TTC3: variants seen among roughly 807,000 people sequenced by gnomAD.
TTC3 encodes the protein E3 ubiquitin-protein ligase TTC3.
Under a neutral mutation model 249.6 loss-of-function variants are expected in TTC3, and 180 were observed. The ratio of observed to expected loss-of-function variants is 0.72; its 90% CI spans 0.64 to 0.82. The LOEUF (loss-of-function observed/expected upper bound fraction) is 0.82, where lower values mean the gene tolerates loss of function less well. TTC3 is among the 40% of genes least tolerant of loss of function. The pLI is 0.00. For synonymous variants in TTC3, 717 were observed against 805.0 expected, an observed-to-expected ratio of 0.89 and a Z score of 1.85; for missense variants, 2,061 against 2,398.4, an observed-to-expected ratio of 0.86 and a Z score of 2.94.
intron 11 of TTC3, among the ~76,000 whole-genome samples, chr21:37,109,205 A>T (rs8127182): frequency 0.45 from 68,958 of 152,008 alleles, 16,203 homozygotes; most frequent in Non-Finnish European, 0.52. Context: ...GGAGTGCTGG[A>T]CAGTGGGTGC....
intron 1 of TTC3, chr21:37,083,563 A>T (rs979644802): frequency 3.5e-5 from 10 of 287,514 alleles, no homozygotes; most frequent in African/African-American, 2.3e-4. Flanking sequence ...TTAGTGGTCC[A>T]TTGGACAGAA....
chr21:37,128,601 G>T (rs571173838), intron 15 of TTC3, among the ~76,000 whole-genome samples: 1 of 152,260 alleles, frequency 6.6e-6, no homozygotes, highest in Admixed American at 6.5e-5. Flanking sequence ...TTTGTGAGTT[G>T]TGAGAGATAT....
intron 1 of TTC3, among the ~76,000 whole-genome samples, chr21:37,074,551 T>C (rs1291130218): frequency 6.6e-6 from 1 of 152,192 alleles, no homozygotes; most frequent in Non-Finnish European, 1.5e-5. Flanking sequence ...TAAATCTCTT[T>C]CCATTTTGCC....
At chr21:37,159,142 C>T (rs2080428782) in intron 28 of TTC3, among the ~76,000 whole-genome samples, 1 of 152,202 alleles carries the variant, frequency 6.6e-6, no homozygotes, top group South Asian at 2.1e-4. Context: ...TGTGCCCAAA[C>T]CTGCCTTGTG....
chr21:37,133,015 C>G (rs138527378), intron 17 of TTC3, among the ~76,000 whole-genome samples: 26 of 152,222 alleles, frequency 1.7e-4, no homozygotes, highest in African/African-American at 5.5e-4. Flanking sequence ...ATAGACATAT[C>G]ATTTAATATA....
rs762414093 is a variant in TTC3 at position 37,195,991 on chromosome 21, A to G, written c.5534A>G (p.Asn1845Ser). The change falls in exon 42 of 46, where the codon AAT becomes AGT. Residue 1845 changes from asparagine to serine, a missense_variant. Physicochemically the swap from Asn to Ser is conservative, Grantham distance 46. Transcript: ENST00000355666. ...AGCCAGTCTCCAAAAAAGCCGTTCA[A>G]TAGTATTATTGAGCACCTGTCAGTG... 8.0e-5 allele frequency: 129 copies of G among 1,614,212 alleles called. No homozygotes were observed. The highest frequency in any genetic ancestry group is 3.3e-4 in the East Asian group (15 of 44,884).
At chr21:37,094,860 A>G (rs901602630) in intron 8 of TTC3, among the ~76,000 whole-genome samples, 3 of 152,192 alleles carry the variant, frequency 2.0e-5, no homozygotes, top group African/African-American at 7.2e-5. Flanking sequence ...GAGGCTGCAC[A>G]TGATGGCTCA....
exon 22 of TTC3, chr21:37,147,543 C>T: frequency 6.2e-7 from 1 of 1,610,760 alleles, no homozygotes. Context: ...CCATTTGTTG[C>T]TATCAGAAGT....
At chr21:37,093,399 A>AAG (rs1383432695) in intron 7 of TTC3, 1 of 149,074 alleles carries the variant, frequency 6.7e-6, no homozygotes, top group Non-Finnish European at 1.5e-5. Context: ...AAAAAAAAAA[A>AAG]AAAGGAAATG....
At position 37,131,637 on chromosome 21, in the gene TTC3, G is replaced by A. The variant is rs572951533; in HGVS notation, c.1359-1045G>A. On this transcript the variant is annotated intron_variant, in intron 16 of 45. Coordinates refer to ENST00000355666, the Ensembl canonical transcript of TTC3. ...CCCTCTTGTAGTCAGCAGGGCAGGA[G>A]TGTGGGTGACCTGTGCACCCCACTT... Among the ~76,000 whole-genome samples the A allele has an allele frequency of 6.6e-5, 10 of 152,300 alleles. No homozygotes were observed. The East Asian group carries it at 1.9e-3, about 29-fold the overall frequency.
intron 14 of TTC3, 76 bp downstream of exon 14, chr21:37,124,818 A>C: frequency 6.5e-7 from 1 of 1,531,914 alleles, no homozygotes; most frequent in Non-Finnish European, 8.8e-7. Flanking sequence ...TTTGGTGGTA[A>C]TAGAAACCAA....
chr21:37,102,988 C>A (rs1289288116), intron 10 of TTC3, among the ~76,000 whole-genome samples: 1 of 151,974 alleles, frequency 6.6e-6, no homozygotes, highest in Non-Finnish European at 1.5e-5. Context: ...TAGAGTGAGA[C>A]CATGTCTAAA....
intron 5 of TTC3, among the ~76,000 whole-genome samples, chr21:37,090,005 T>A (rs1367613931): frequency 6.6e-6 from 1 of 151,474 alleles, no homozygotes; most frequent in Non-Finnish European, 1.5e-5. Context: ...AAAATTCACA[T>A]GTCTAAAGAT....
At chr21:37,175,078 AC>A (rs1197898977) in intron 35 of TTC3, among the ~76,000 whole-genome samples, 4 of 141,004 alleles carry the variant, frequency 2.8e-5, no homozygotes, top group Non-Finnish European at 1.5e-5. Context: ...ACACGGTGAA[AC>A]CCCGTCTCTA....
chr21:37,190,366 C>A (rs2083915367), intron 39 of TTC3, among the ~76,000 whole-genome samples: 1 of 151,490 alleles, frequency 6.6e-6, no homozygotes, highest in South Asian at 2.1e-4. Flanking sequence ...TAACTCCTGA[C>A]CTGGTGATCC....
intron 11 of TTC3, among the ~76,000 whole-genome samples, chr21:37,117,486 T>G (rs75035878): frequency 0.037 from 5,690 of 152,204 alleles, 316 homozygotes; most frequent in African/African-American, 0.13. Context: ...ATTTGTAAAA[T>G]GAATGAATGA....
intron 1 of TTC3, chr21:37,082,917 A>C (rs2071899965): frequency 3.1e-6 from 3 of 980,234 alleles, no homozygotes; most frequent in Non-Finnish European, 3.6e-6. Flanking sequence ...CATTAAAACT[A>C]GTTTACATCT....
exon 33 of TTC3, chr21:37,166,341 G>A (rs1252572317): frequency 6.2e-7 from 1 of 1,614,012 alleles, no homozygotes; most frequent in African/African-American, 1.3e-5. Flanking sequence ...GCCAATGACA[G>A]AGCAGATAAA....
chr21:37,096,910 G>A, intron 10 of TTC3: 1 of 292,866 alleles, frequency 3.4e-6, no homozygotes. Context: ...GTAATAGGTA[G>A]GTAATGTTAT....
Sources: gnomAD v4.1 joint callset for allele counts (sites outside exome capture counted in the v4.1 genomes callset) on GRCh38, gnomAD v4.1.1 for gene constraint, MANE v1.5 for transcripts, NCBI Gene and HGNC (gene_info 2026-07-23, HGNC 2026-07-21) for gene names.